The following RIMS2 variants were observed in gnomAD, a reference collection of about 807,000 sequenced individuals.
RIMS2 encodes the protein regulating synaptic membrane exocytosis protein 2.
Under a neutral mutation model 174.4 loss-of-function variants are expected in RIMS2, and 59 were observed. The ratio of observed to expected loss-of-function variants is 0.34; its 90% CI spans 0.27 to 0.42. The LOEUF (loss-of-function observed/expected upper bound fraction) is 0.42. Ranked by LOEUF, RIMS2 falls within the 10% of genes least tolerant of loss-of-function variation. RIMS2 has a pLI of 1.00. For missense variants in RIMS2, 1,620 were observed against 1,666.3 expected (o/e 0.97, Z 0.48); for synonymous variants, 606 against 572.5 (o/e 1.06, Z -0.84).
intron 3 of RIMS2, among the ~76,000 whole-genome samples, chr8:103,788,176 A>T (rs201417444): frequency 1.8e-4 from 27 of 147,332 alleles, no homozygotes; most frequent in African/African-American, 6.2e-4. Context: ...ATTCTTCTAA[A>T]TTTTTTTCAA....
intron 15 of RIMS2, among the ~76,000 whole-genome samples, chr8:103,962,896 C>CTTTA (rs1313106411): frequency 6.6e-6 from 1 of 152,104 alleles, no homozygotes; most frequent in Non-Finnish European, 1.5e-5. Flanking sequence ...ATATGCTACA[C>CTTTA]TTTAACAATA....
chr8:103,506,797 G>A (rs1823888760), intron 1 of RIMS2, among the ~76,000 whole-genome samples: 2 of 152,088 alleles, frequency 1.3e-5, no homozygotes, highest in Middle Eastern at 3.2e-3. Context: ...ACTAGGGATG[G>A]GGAGAGGGTG....
chr8:104,047,887 G>A (rs934904065), intron 19 of RIMS2, among the ~76,000 whole-genome samples: 2 of 152,064 alleles, frequency 1.3e-5, no homozygotes, highest in African/African-American at 4.8e-5. Context: ...ATTGAAATCA[G>A]ACAGGTACGA....
chr8:103,688,669 T>C (rs1257717029), intron 1 of RIMS2, among the ~76,000 whole-genome samples: 1 of 152,090 alleles, frequency 6.6e-6, no homozygotes, highest in Non-Finnish European at 1.5e-5. Context: ...TGGAAGAGTT[T>C]GAGAAGGATT....
At chr8:103,576,389 G>T (rs1334663516) in intron 1 of RIMS2, among the ~76,000 whole-genome samples, 1 of 152,070 alleles carries the variant, frequency 6.6e-6, no homozygotes, top group East Asian at 1.9e-4. Flanking sequence ...AGGTAAGACT[G>T]GAATAAATAA....
chr8:104,239,693 T>C (rs993236980), intron 19 of RIMS2, among the ~76,000 whole-genome samples: 3 of 152,206 alleles, frequency 2.0e-5, no homozygotes, highest in African/African-American at 4.8e-5. Flanking sequence ...AAAACTTATC[T>C]ACAAAGGACT....
intron 17 of RIMS2, among the ~76,000 whole-genome samples, chr8:104,006,171 T>G (rs1221937421): frequency 6.6e-6 from 1 of 152,142 alleles, no homozygotes; most frequent in Non-Finnish European, 1.5e-5. Context: ...TTTCCTGCAT[T>G]TATTATTTCT....
chr8:104,002,079 G>A (rs956960565), intron 17 of RIMS2, among the ~76,000 whole-genome samples: 1 of 151,886 alleles, frequency 6.6e-6, no homozygotes, highest in South Asian at 2.1e-4. Context: ...TACTTTGGTC[G>A]GTCACTCTCA....
intron 15 of RIMS2, among the ~76,000 whole-genome samples, chr8:103,963,493 A>T (rs2090851040): frequency 6.6e-6 from 1 of 152,212 alleles, no homozygotes; most frequent in African/African-American, 2.4e-5. Context: ...TGCAAGGCAG[A>T]TGTCTTGAAT....
chr8:103,782,003 C>T (rs2098395157), intron 3 of RIMS2, among the ~76,000 whole-genome samples: 1 of 151,950 alleles, frequency 6.6e-6, no homozygotes, highest in Non-Finnish European at 1.5e-5. Flanking sequence ...CCACCTCGGC[C>T]TCCCAAAGTG....
chr8:104,210,374 A>T lies in RIMS2; in HGVS notation c.3335-34542A>T, dbSNP rs2099099913. Among the ~76,000 whole-genome samples the T allele has an allele frequency of 3.3e-5, 5 of 152,346 alleles. No homozygotes were observed. In the South Asian group the frequency reaches 1.0e-3, roughly 32 times the overall value. On this transcript the variant is annotated intron_variant, in intron 19 of 23. Coordinates refer to ENST00000504942, the Ensembl canonical transcript of RIMS2. The stretch of plus-strand genomic sequence containing the variant: ...TGAAAATTGTTCAAGAAGAGTTTAC[A>T]GGTAGAAATATTACACTGCATAAAA...
chr8:103,568,164 G>T (rs1408432071), intron 1 of RIMS2, among the ~76,000 whole-genome samples: 1 of 152,016 alleles, frequency 6.6e-6, no homozygotes, highest in East Asian at 1.9e-4. Flanking sequence ...TGGGCTTGGT[G>T]GTGTGCCTCT....
intron 1 of RIMS2, among the ~76,000 whole-genome samples, chr8:103,566,767 C>T (rs2092388565): frequency 6.6e-6 from 1 of 152,064 alleles, no homozygotes. Flanking sequence ...TTTACTAACC[C>T]TTCATTTTCC....
intron 2 of RIMS2, among the ~76,000 whole-genome samples, chr8:103,704,840 T>C (rs1374644181): frequency 6.6e-6 from 1 of 152,038 alleles, no homozygotes; most frequent in Non-Finnish European, 1.5e-5. Flanking sequence ...TCTGATTTTA[T>C]TTATTTTGGA....
At chr8:103,541,826 T>C (rs1842725505) in intron 1 of RIMS2, among the ~76,000 whole-genome samples, 1 of 152,088 alleles carries the variant, frequency 6.6e-6, no homozygotes, top group Non-Finnish European at 1.5e-5. Context: ...AGTAAAACTA[T>C]AGCTTTAAAA....
chr8:103,860,557 C>T (rs2099053075), intron 3 of RIMS2, among the ~76,000 whole-genome samples: 1 of 151,944 alleles, frequency 6.6e-6, no homozygotes, highest in Admixed American at 6.6e-5. Context: ...CAGTAAATCA[C>T]CATGTATAGT....
intron 10 of RIMS2, among the ~76,000 whole-genome samples, chr8:103,923,921 A>G (rs1228968729): frequency 6.6e-6 from 1 of 151,688 alleles, no homozygotes; most frequent in East Asian, 1.9e-4. Flanking sequence ...TCGAATCCTG[A>G]TTTTTCTCTT....
At chr8:103,682,464 G>T (rs1315522497) in intron 1 of RIMS2, among the ~76,000 whole-genome samples, 1 of 152,146 alleles carries the variant, frequency 6.6e-6, no homozygotes, top group Non-Finnish European at 1.5e-5. Context: ...TGAAACGTTT[G>T]TCCATTAATT....
chr8:103,848,804 G>A (rs2098981844), intron 3 of RIMS2, among the ~76,000 whole-genome samples: 1 of 151,978 alleles, frequency 6.6e-6, no homozygotes, highest in South Asian at 2.1e-4. Flanking sequence ...GATTTGCTTA[G>A]GCTGAGAATT....
Sources: gnomAD v4.1 joint callset for allele counts (sites outside exome capture counted in the v4.1 genomes callset) on GRCh38, gnomAD v4.1.1 for gene constraint, MANE v1.5 for transcripts, NCBI Gene and HGNC (gene_info 2026-07-23, HGNC 2026-07-21) for gene names.